The following MGAT4C variants were observed in gnomAD, a reference collection of about 807,000 sequenced individuals.
MGAT4C encodes the protein alpha-1,3-mannosyl-glycoprotein 4-beta-N-acetylglucosaminyltransferase C.
A neutral mutation model predicts 40.1 loss-of-function variants in MGAT4C; 19 were observed. The ratio of observed to expected loss-of-function variants is 0.47; its 90% CI spans 0.33 to 0.70. The LOEUF is 0.70. Ranked by LOEUF, MGAT4C falls within the 30% of genes least tolerant of loss-of-function variation. MGAT4C has a pLI of 0.02. For synonymous variants in MGAT4C, 181 were observed against 187.1 expected, an observed-to-expected ratio of 0.97 and a Z score of 0.27; for missense variants, 491 against 563.2, an observed-to-expected ratio of 0.87 and a Z score of 1.30.
chr12:86,133,635 T>C (rs1037190665), intron 1 of MGAT4C, among the ~76,000 whole-genome samples: 2 of 152,254 alleles, frequency 1.3e-5, no homozygotes, highest in Admixed American at 1.3e-4. Context: ...TTATTACCTG[T>C]GGTAACTTCT....
intron 2 of MGAT4C, among the ~76,000 whole-genome samples, chr12:86,685,708 G>T (rs1235817265): frequency 6.6e-6 from 1 of 152,088 alleles, no homozygotes; most frequent in Non-Finnish European, 1.5e-5. Context: ...TTATTTCTTT[G>T]AGCAGTGGTT....
intron 2 of MGAT4C, among the ~76,000 whole-genome samples, chr12:86,009,524 C>T (rs1028286059): frequency 1.3e-5 from 2 of 152,176 alleles, no homozygotes; most frequent in Non-Finnish European, 2.9e-5. Context: ...TGAGTTCACT[C>T]TCCTTGTATT....
chr12:86,487,793 T>A (rs2136319442), intron 2 of MGAT4C, among the ~76,000 whole-genome samples: 1 of 152,352 alleles, frequency 6.6e-6, no homozygotes, highest in African/African-American at 2.4e-5. Flanking sequence ...TTACTTTAGT[T>A]GTTAAATTTC....
rs1555227734 is a variant in MGAT4C at position 86,774,281 on chromosome 12, C to CTCGCTCTTTCTTTCTTTCTT, written c.-261-47041_-261-47040insAAGAAAGAAAGAAAGAGCGA. 6.1e-4 allele frequency among the ~76,000 whole-genome samples: 36 copies of CTCGCTCTTTCTTTCTTTCTT among 58,934 alleles called. 2 individuals carry two copies. Among genetic ancestry groups the CTCGCTCTTTCTTTCTTTCTT allele is most frequent in the Non-Finnish European group, 1.1e-3 (31 of 28,912 alleles). The allele number at this position is 58,934 out of a possible 152,430, so 38.7% of individuals were successfully genotyped here. A position where few individuals can be genotyped will look rare whatever the true frequency, so the allele number is the denominator to read the frequency against. On this transcript the variant is annotated intron_variant, in intron 1 of 7. Coordinates refer to the MGAT4C transcript ENST00000548651. ...CTTAAAAAGTAACTTCTAAGGCTTG[C>CTCGCTCTTTCTTTCTTTCTT]TCTTTCTTTCTTTCTTTCTTTCTTT...
intron 2 of MGAT4C, among the ~76,000 whole-genome samples, chr12:86,550,769 C>T (rs1427343837): frequency 6.6e-6 from 1 of 152,176 alleles, no homozygotes; most frequent in East Asian, 1.9e-4. Context: ...CTAGCCAAAC[C>T]ACTGTACACC....
chr12:86,455,428 T>C (rs932210883), intron 2 of MGAT4C, among the ~76,000 whole-genome samples: 12 of 152,124 alleles, frequency 7.9e-5, no homozygotes, highest in African/African-American at 2.7e-4. Context: ...AAACAGGAAG[T>C]TTTAATTCTT....
chr12:86,028,341 C>A, intron 2 of MGAT4C: 1 of 367,152 alleles, frequency 2.7e-6, no homozygotes, highest in Non-Finnish European at 5.1e-6. Context: ...CTCATCATGG[C>A]AGGGCAAGTG....
rs76310742 is a variant in MGAT4C, at chr12:86,738,875, G to A, written c.-261-11634C>T. Among the ~76,000 whole-genome samples the A allele has an allele frequency of 9.0e-3, 1,356 of 150,864 alleles. 19 individuals carry two copies. The highest frequency in any genetic ancestry group is 0.03 in the African/African-American group (1,220 of 41,308). On this transcript the variant is annotated intron_variant, in intron 1 of 7. Transcript: ENST00000548651. ...CTGAAGAGGTTGAACACAAAAGCCC[G>A]TTTATATTTTTTTATGGTGTCCATG...
rs577697990 is a variant in MGAT4C at position 86,482,783 on chromosome 12, A to G, written c.-228-47518T>C. ...CAATGAAATTATAGTCATATATGAT[A>G]CAACGCATAATTTTCTTTAGGTCAC... On this transcript the variant is annotated intron_variant, in intron 2 of 7. Coordinates refer to the MGAT4C transcript ENST00000548651. Among the ~76,000 whole-genome samples the G allele has an allele frequency of 2.6e-5, 4 of 152,330 alleles. No homozygotes were observed. The East Asian group carries it at 7.7e-4, about 29-fold the overall frequency.
intron 2 of MGAT4C, among the ~76,000 whole-genome samples, chr12:86,489,280 T>C (rs1408727880): frequency 6.6e-6 from 1 of 152,024 alleles, no homozygotes; most frequent in Non-Finnish European, 1.5e-5. Flanking sequence ...CCTTTCCAGC[T>C]CCCCTCCCCA....
At chr12:86,387,129 CCAAATA>C (rs1485615476) in intron 3 of MGAT4C, among the ~76,000 whole-genome samples, 1 of 152,112 alleles carries the variant, frequency 6.6e-6, no homozygotes, top group Non-Finnish European at 1.5e-5. Context: ...ACAGACTCCT[CCAAATA>C]CAAAGTGTAC....
chr12:86,517,467 C>T (rs963605170), intron 2 of MGAT4C, among the ~76,000 whole-genome samples: 3 of 152,082 alleles, frequency 2.0e-5, no homozygotes, highest in Non-Finnish European at 4.4e-5. Context: ...CTGACCCTCA[C>T]CTAAAATTTG....
At chr12:86,540,356 G>A (rs1000512230) in intron 2 of MGAT4C, among the ~76,000 whole-genome samples, 2 of 152,184 alleles carry the variant, frequency 1.3e-5, no homozygotes, top group Non-Finnish European at 2.9e-5. Flanking sequence ...AATTAAATTT[G>A]AGCCATGTTG....
At chr12:86,548,922 C>A (rs1592975234) in intron 2 of MGAT4C, among the ~76,000 whole-genome samples, 1 of 152,054 alleles carries the variant, frequency 6.6e-6, no homozygotes, top group East Asian at 1.9e-4. Context: ...GAAGCTAATT[C>A]CAAAGGAGAT....
chr12:86,112,009 G>A lies in MGAT4C; in HGVS notation c.-56-62286C>T, dbSNP rs531699260. ...ATATGTATGTACATGTGTATACTGT[G>A]CAAGTATACATATGTATATAAGTAG... On this transcript the variant is annotated intron_variant, in intron 1 of 4. Transcript: ENST00000611864. Among the ~76,000 whole-genome samples, 10 of 151,874 alleles carry A rather than the reference G, an allele frequency of 6.6e-5. No homozygotes were observed. The East Asian group carries it at 1.9e-3, about 29-fold the overall frequency.
intron 2 of MGAT4C, among the ~76,000 whole-genome samples, chr12:86,654,369 A>T (rs1963782603): frequency 6.6e-6 from 1 of 151,742 alleles, no homozygotes; most frequent in Non-Finnish European, 1.5e-5. Context: ...CAACAATCGA[A>T]ATCAGCTTTC....
chr12:86,422,491 C>T (rs933753423), intron 3 of MGAT4C, among the ~76,000 whole-genome samples: 2 of 152,138 alleles, frequency 1.3e-5, no homozygotes, highest in African/African-American at 4.8e-5. Flanking sequence ...CTTGCTACAG[C>T]TTATAAAAAC....
intron 3 of MGAT4C, among the ~76,000 whole-genome samples, chr12:86,384,037 G>C (rs913438427): frequency 2.0e-5 from 3 of 152,128 alleles, no homozygotes; most frequent in Non-Finnish European, 4.4e-5. Context: ...CATGAGATCT[G>C]ATGGTTTTAA....
At chr12:86,764,865 T>C (rs1323347884) in intron 1 of MGAT4C, among the ~76,000 whole-genome samples, 1 of 152,014 alleles carries the variant, frequency 6.6e-6, no homozygotes, top group Non-Finnish European at 1.5e-5. Flanking sequence ...AACCCATCTG[T>C]ACATCACCAT....
Sources: allele counts gnomAD v4.1 joint callset (sites outside exome capture counted in the v4.1 genomes callset), GRCh38; gene constraint gnomAD v4.1.1; transcripts MANE v1.5; gene names NCBI Gene and HGNC (gene_info 2026-07-23, HGNC 2026-07-21).